The following RGS20 variants were observed in gnomAD, a reference collection of about 807,000 sequenced individuals.
RGS20 encodes the protein gz-selective GTPase-activating protein.
RGS20 carries 30 observed loss-of-function variants against 33.6 expected under a neutral mutation model. That is an observed-to-expected ratio of 0.89 (90% CI 0.67 to 1.21). The LOEUF is 1.21. Among genes scored for constraint, RGS20 ranks in the 50% most tolerant of loss-of-function variants. RGS20 has a pLI of 0.00. For synonymous variants in RGS20, 208 were observed against 197.9 expected (o/e 1.05, Z -0.43); for missense variants, 472 against 502.4 (o/e 0.94, Z 0.58).
intron 1 of RGS20, among the ~76,000 whole-genome samples, chr8:53,858,548 G>A (rs1372267751): frequency 3.3e-5 from 5 of 151,574 alleles, no homozygotes; most frequent in African/African-American, 9.7e-5. Flanking sequence ...ACACATACCC[G>A]AAAGAAAGCA....
Position 53,874,410 on chromosome 8 carries a change from G to A in RGS20, c.166-4848G>A, listed in dbSNP as rs548068697. On this transcript the variant is annotated intron_variant, in intron 1 of 5. Coordinates refer to ENST00000297313, the MANE Select transcript of RGS20 (RefSeq NM_170587.4). ...TGTGTGTGTGTGTGTGTGCGCGCGC[G>A]TGTGCTTGCGTGCATCTGTGTGTTA... Among the ~76,000 whole-genome samples the A allele has an allele frequency of 1.2e-4, 16 of 131,568 alleles. 1 individual carries two copies. Among genetic ancestry groups the A allele is most frequent in the South Asian group, 7.7e-4 (2 of 2,602 alleles). The allele number at this position is 131,568 out of a possible 152,430, so 86.3% of individuals were successfully genotyped here.
At chr8:53,902,731 CT>C (rs112845615) in intron 2 of RGS20, among the ~76,000 whole-genome samples, 67 of 147,220 alleles carry the variant, frequency 4.6e-4, no homozygotes, top group Middle Eastern at 3.5e-3. Flanking sequence ...ATGATTGGTT[CT>C]TTTTTTTTTT....
intron 3 of RGS20, among the ~76,000 whole-genome samples, chr8:53,945,781 T>C (rs1266810989): frequency 1.3e-5 from 2 of 152,012 alleles, no homozygotes; most frequent in African/African-American, 4.8e-5. Flanking sequence ...CACATGCCTG[T>C]AGTCCCAGCT....
chr8:53,940,855 G>C (rs1451496170), intron 3 of RGS20, among the ~76,000 whole-genome samples: 4 of 152,228 alleles, frequency 2.6e-5, no homozygotes, highest in Non-Finnish European at 5.9e-5. Context: ...CTGGTGGTGG[G>C]CAGAGGAAAC....
intron 1 of RGS20, among the ~76,000 whole-genome samples, chr8:53,867,889 AT>A (rs1291715152): frequency 6.6e-6 from 1 of 151,864 alleles, no homozygotes; most frequent in Non-Finnish European, 1.5e-5. Context: ...CACCTGTCTA[AT>A]TTTTTTGTAT....
chr8:53,867,694 CCTTCCTTCCTTT>C (rs1459087143), intron 1 of RGS20, among the ~76,000 whole-genome samples: 12 of 151,104 alleles, frequency 7.9e-5, no homozygotes, highest in African/African-American at 2.4e-4. Flanking sequence ...TTCCTTCCTT[CCTTCCTTCCTTT>C]CTTTGTTTCT....
chr8:53,906,169 AT>A (rs1211401903), intron 2 of RGS20, among the ~76,000 whole-genome samples: 5 of 152,124 alleles, frequency 3.3e-5, no homozygotes, highest in Non-Finnish European at 7.3e-5. Flanking sequence ...TAATCCCAGC[AT>A]TTTGGGAGGC....
At chr8:53,895,648 C>CTT (rs564840669) in intron 2 of RGS20, among the ~76,000 whole-genome samples, 26 of 142,720 alleles carry the variant, frequency 1.8e-4, no homozygotes, top group African/African-American at 6.6e-4. Flanking sequence ...CTTTTTATTC[C>CTT]TTTTTTTTTT....
chr8:53,856,575 C>A (rs552048852), intron 1 of RGS20, among the ~76,000 whole-genome samples: 1 of 152,206 alleles, frequency 6.6e-6, no homozygotes, highest in East Asian at 1.9e-4. Context: ...GGCAAGAATG[C>A]AAGTGGGAGG....
chr8:53,939,791 C>A, intron 3 of RGS20, 67 bp downstream of exon 2: 1 of 1,466,798 alleles, frequency 6.8e-7, no homozygotes. Flanking sequence ...CTGACTGGGA[C>A]GTGGCACCCC....
At chr8:53,899,187 G>A (rs1812945882) in intron 2 of RGS20, among the ~76,000 whole-genome samples, 1 of 152,180 alleles carries the variant, frequency 6.6e-6, no homozygotes, top group South Asian at 2.1e-4. Context: ...CATGCTACAT[G>A]TGCTATGTCC....
intron 2 of RGS20, among the ~76,000 whole-genome samples, chr8:53,895,612 T>C (rs1038299541): frequency 1.3e-5 from 2 of 152,004 alleles, no homozygotes; most frequent in Non-Finnish European, 2.9e-5. Flanking sequence ...TGCTTTTGTA[T>C]GCCCTGAACA....
At chr8:53,949,577 G>A (rs1416903407) in intron 4 of RGS20, among the ~76,000 whole-genome samples, 10 of 151,436 alleles carry the variant, frequency 6.6e-5, no homozygotes, top group Admixed American at 3.3e-4. Context: ...TTAGCGGGGC[G>A]TGGTGGCAAA....
intron 2 of RGS20, chr8:53,913,501 T>G (rs1813403688): frequency 6.6e-6 from 1 of 152,188 alleles, no homozygotes; most frequent in South Asian, 2.1e-4. Context: ...AAACAGGGTC[T>G]TTGCATGCAC....
intron 5 of RGS20, among the ~76,000 whole-genome samples, chr8:53,957,481 C>T (rs1213597144): frequency 6.6e-6 from 1 of 152,240 alleles, no homozygotes; most frequent in Non-Finnish European, 1.5e-5. Context: ...TCCACTTCAC[C>T]CCTGTGCCCA....
At chr8:53,907,965 A>G (rs138172190) in intron 2 of RGS20, among the ~76,000 whole-genome samples, 89 of 152,300 alleles carry the variant, frequency 5.8e-4, no homozygotes, top group African/African-American at 1.9e-3. Flanking sequence ...GAAAAAATCC[A>G]TCTAGAAGTG....
chr8:53,957,868 C>T (rs369910610), intron 5 of RGS20, among the ~76,000 whole-genome samples: 5 of 152,084 alleles, frequency 3.3e-5, no homozygotes, highest in Admixed American at 6.5e-5. Context: ...ACAACAAGGC[C>T]GGGCACAGTG....
intron 2 of RGS20, among the ~76,000 whole-genome samples, chr8:53,904,153 C>T (rs1813103768): frequency 6.7e-6 from 1 of 150,018 alleles, no homozygotes; most frequent in Non-Finnish European, 1.5e-5. Context: ...AACCAAGTCT[C>T]ACTCTGTCAC....
intron 1 of RGS20, chr8:53,879,140 C>T (rs1652111747): frequency 2.6e-6 from 2 of 781,312 alleles, no homozygotes; most frequent in Admixed American, 2.2e-5. Context: ...CTGCTTTCAC[C>T]GACCTTCTCT....
Sources: allele counts gnomAD v4.1 joint callset (sites outside exome capture counted in the v4.1 genomes callset), GRCh38; gene constraint gnomAD v4.1.1; transcripts MANE v1.5; gene names NCBI Gene and HGNC (gene_info 2026-07-23, HGNC 2026-07-21).